DCBLD2: variants seen among roughly 807,000 people sequenced by gnomAD.
The protein encoded by DCBLD2 is discoidin, CUB and LCCL domain-containing protein 2.
A neutral mutation model predicts 86.8 loss-of-function variants in DCBLD2; 54 were observed. That is an observed-to-expected ratio of 0.62 (90% CI 0.50 to 0.78). The LOEUF is 0.78. Among genes scored for constraint, DCBLD2 ranks in the 30% least tolerant of loss-of-function variants. The pLI is 0.00. For synonymous variants in DCBLD2, 354 were observed against 341.3 expected (o/e 1.04, Z -0.41); for missense variants, 908 against 954.2 (o/e 0.95, Z 0.64).
chr3:98,857,363 G>T (rs368910035), intron 2 of DCBLD2, among the ~76,000 whole-genome samples: 1 of 152,130 alleles, frequency 6.6e-6, no homozygotes, highest in African/African-American at 2.4e-5. Flanking sequence ...CCCAAGCTGG[G>T]TTGCCACTGC....
At chr3:98,886,487 A>C (rs1943564877) in intron 1 of DCBLD2, among the ~76,000 whole-genome samples, 1 of 151,824 alleles carries the variant, frequency 6.6e-6, no homozygotes, top group Non-Finnish European at 1.5e-5. Flanking sequence ...ATTCTCACCA[A>C]CTCCAACTTC....
At chr3:98,858,381 C>G (rs1464470403) in intron 2 of DCBLD2, among the ~76,000 whole-genome samples, 2 of 152,256 alleles carry the variant, frequency 1.3e-5, no homozygotes, top group African/African-American at 4.8e-5. Flanking sequence ...CACAGTGCAG[C>G]AGCAGGCTGA....
chr3:98,859,011 G>A (rs1040718976), intron 2 of DCBLD2, among the ~76,000 whole-genome samples: 2 of 152,142 alleles, frequency 1.3e-5, no homozygotes, highest in Non-Finnish European at 2.9e-5. Context: ...CTGGAAAATC[G>A]GGTCACTTCT....
At chr3:98,834,384 AAAC>A (rs1439295553) in intron 3 of DCBLD2, among the ~76,000 whole-genome samples, 1 of 148,578 alleles carries the variant, frequency 6.7e-6, no homozygotes, top group Non-Finnish European at 1.5e-5. Flanking sequence ...CTGATCTATC[AAAC>A]ACCAGGTCTT....
At chr3:98,849,276 T>C (rs943929207) in intron 3 of DCBLD2, 185 bp downstream of exon 3, 9 of 666,480 alleles carry the variant, frequency 1.4e-5, no homozygotes, top group South Asian at 2.2e-5. Context: ...GTAACGTTTA[T>C]GTACTTTTAT....
intron 6 of DCBLD2, among the ~76,000 whole-genome samples, 191 bp from the exon 7 acceptor site, chr3:98,820,479 A>C (rs1320365275): frequency 1.3e-5 from 2 of 152,204 alleles, no homozygotes; most frequent in African/African-American, 4.8e-5. Context: ...CAACTTCTGA[A>C]ATCAGCATAA....
At chr3:98,819,048 T>G (rs1180169683) in intron 8 of DCBLD2, among the ~76,000 whole-genome samples, 154 bp downstream of exon 8, 4 of 152,196 alleles carry the variant, frequency 2.6e-5, no homozygotes, top group African/African-American at 9.7e-5. Flanking sequence ...TTTCATAAAA[T>G]GTGTCTCTAG....
chr3:98,860,393 G>A (rs529227475), intron 2 of DCBLD2, among the ~76,000 whole-genome samples: 1 of 152,192 alleles, frequency 6.6e-6, no homozygotes, highest in African/African-American at 2.4e-5. Context: ...GATACTCCTC[G>A]AGAAGAGCAA....
At chr3:98,889,094 C>T (rs1943611842) in intron 1 of DCBLD2, among the ~76,000 whole-genome samples, 1 of 151,984 alleles carries the variant, frequency 6.6e-6, no homozygotes, top group Admixed American at 6.6e-5. Flanking sequence ...TACACTCTTT[C>T]TGATATCTTC....
chr3:98,883,554 G>C lies in DCBLD2; in HGVS notation c.206-1787C>G, dbSNP rs866991642. 1.1e-4 allele frequency among the ~76,000 whole-genome samples: 17 copies of C among 152,062 alleles called. 1 individual carries two copies. Among genetic ancestry groups the C allele is most frequent in the Middle Eastern group, 6.3e-3 (2 of 316 alleles). On this transcript the variant is annotated intron_variant, in intron 1 of 15. Coordinates refer to ENST00000326840, the MANE Select transcript of DCBLD2 (RefSeq NM_080927.4). ...AAATATTTGCATTCTTTATCATAAA[G>C]TTTGTATTTTGTTTTTACTGAGCAC...
intron 2 of DCBLD2, among the ~76,000 whole-genome samples, chr3:98,858,207 G>A (rs545912309): frequency 1.3e-3 from 192 of 152,334 alleles, no homozygotes; most frequent in African/African-American, 4.4e-3. Flanking sequence ...AGGGCCAGCT[G>A]GCCACTCCGA....
chr3:98,877,448 G>A (rs1438574816), intron 2 of DCBLD2, among the ~76,000 whole-genome samples: 3 of 152,158 alleles, frequency 2.0e-5, no homozygotes, highest in Admixed American at 1.3e-4. Flanking sequence ...GGTAATGGGA[G>A]CAAGATTTCT....
chr3:98,881,762 C>A lies in DCBLD2; in HGVS notation c.211G>T (p.Gly71Ter). 6.3e-7 allele frequency: 1 copy of A among 1,592,540 alleles called. No homozygotes were observed. Among genetic ancestry groups the A allele is most frequent in the Non-Finnish European group, 8.6e-7 (1 of 1,165,800 alleles). ...LEDAGAQQGDGCGHTVLGPES... is the reference protein window; with the variant it reads ...LEDAGAQQGD ...GGGCCTAGTACAGTGTGTCCACATC[C>A]ATCACCTTTAAAAAAAGTGAAAAGA... Residue 71 changes from glycine (G) to a stop codon, truncating the protein, a stop_gained, in exon 2 of 16, where the codon GGA (glycine) becomes TGA (stop). Coordinates refer to ENST00000326840, the MANE Select transcript of DCBLD2 (RefSeq NM_080927.4). LOFTEE classifies it high-confidence loss of function.
At chr3:98,881,054 C>A (rs537940533) in intron 2 of DCBLD2, among the ~76,000 whole-genome samples, 9 of 151,746 alleles carry the variant, frequency 5.9e-5, no homozygotes, top group Non-Finnish European at 7.4e-5. Context: ...ACCAGCCTGG[C>A]CAACAGCCTG....
At chr3:98,862,605 C>A (rs991240467) in intron 2 of DCBLD2, among the ~76,000 whole-genome samples, 43 of 152,170 alleles carry the variant, frequency 2.8e-4, no homozygotes, top group East Asian at 1.9e-4. Context: ...ATAAACAGAA[C>A]CACATACAAA....
At position 98,799,817 on chromosome 3, in the gene DCBLD2, C is replaced by G; in HGVS notation, c.1883G>C (p.Gly628Ala). Residue 628 changes from glycine to alanine, a missense_variant, in exon 16 of 16, where the codon GGA (glycine) becomes GCA (alanine). By Grantham distance (60) the Gly-to-Ala change is moderately conservative. Transcript: ENST00000326840. The part of the protein sequence containing the change: ...SAEYAQPLVG[G>A]IVGTLHQRST... ...TCTTTGATGAAGTGTACCAACAATT[C>G]CTCCTACCAGTGGCTGAGCATACTC... 1 of 1,612,338 alleles carries G rather than the reference C, an allele frequency of 6.2e-7. No individual in the cohort carries two copies. Among genetic ancestry groups the G allele is most frequent in the South Asian group, 1.1e-5 (1 of 90,876 alleles).
intron 2 of DCBLD2, among the ~76,000 whole-genome samples, chr3:98,849,831 T>C (rs1035744285): frequency 2.0e-5 from 3 of 152,108 alleles, no homozygotes; most frequent in African/African-American, 4.8e-5. Flanking sequence ...ACTGAACTTA[T>C]AGAGATTAAT....
intron 10 of DCBLD2, 44 bp downstream of exon 10, chr3:98,812,288 T>G: frequency 6.2e-7 from 1 of 1,602,708 alleles, no homozygotes; most frequent in Non-Finnish European, 8.5e-7. Flanking sequence ...CATTTTAAAT[T>G]GGCAATCCAG....
At chr3:98,858,279 C>A (rs1942974534) in intron 2 of DCBLD2, among the ~76,000 whole-genome samples, 1 of 152,252 alleles carries the variant, frequency 6.6e-6, no homozygotes, top group African/African-American at 2.4e-5. Context: ...GCGCCGTGTG[C>A]AGCCCCAGTT....
Sources: gnomAD v4.1 joint callset for allele counts (sites outside exome capture counted in the v4.1 genomes callset) on GRCh38, gnomAD v4.1.1 for gene constraint, MANE v1.5 for transcripts, NCBI Gene and HGNC (gene_info 2026-07-23, HGNC 2026-07-21) for gene names.